Variants in SHISA9 observed in about 807,000 individuals in gnomAD.
The protein encoded by SHISA9 is protein shisa-9.
A neutral mutation model predicts 38.0 loss-of-function variants in SHISA9; 13 were observed. The observed-to-expected ratio is 0.34, with a 90% CI of 0.22 to 0.54. The LOEUF (loss-of-function observed/expected upper bound fraction) is 0.54, where lower values mean the gene tolerates loss of function less well. SHISA9 is among the 20% of genes least tolerant of loss of function. SHISA9 has a pLI of 0.91. For synonymous variants in SHISA9, 275 were observed against 242.0 expected, an observed-to-expected ratio of 1.14 and a Z score of -1.27; for missense variants, 538 against 575.8, an observed-to-expected ratio of 0.93 and a Z score of 0.67.
chr16:13,198,640 G>A (rs2050973922), intron 2 of SHISA9, among the ~76,000 whole-genome samples: 1 of 152,046 alleles, frequency 6.6e-6, no homozygotes. Context: ...AAAGCAACTG[G>A]GTTGCCAGGT....
chr16:13,541,599 G>C, the SHISA9 span, among the ~76,000 whole-genome samples: 6 of 152,152 alleles, frequency 3.9e-5, no homozygotes, highest in Non-Finnish European at 8.8e-5. Context: ...TAAGAAAAGA[G>C]CACACAGTTA....
intron 4 of SHISA9, among the ~76,000 whole-genome samples, chr16:13,214,466 A>T (rs1272301490): frequency 6.6e-6 from 1 of 152,054 alleles, no homozygotes; most frequent in Non-Finnish European, 1.5e-5. Context: ...TTGGCCTCCC[A>T]AAGTGCTGGG....
At chr16:13,434,303 T>C in the SHISA9 span, among the ~76,000 whole-genome samples, 1 of 152,206 alleles carries the variant, frequency 6.6e-6, no homozygotes. Flanking sequence ...CTGACTCAGA[T>C]GTTCATCTCC....
At chr16:13,511,457 C>T in the SHISA9 span, among the ~76,000 whole-genome samples, 2 of 152,100 alleles carry the variant, frequency 1.3e-5, no homozygotes, top group African/African-American at 4.8e-5. Context: ...GAGACTGTTG[C>T]TTGAAACCAA....
chr16:13,529,728 C>G, the SHISA9 span, among the ~76,000 whole-genome samples: 1 of 152,166 alleles, frequency 6.6e-6, no homozygotes, highest in Non-Finnish European at 1.5e-5. Context: ...CAACACCAAC[C>G]TATAGGGCAT....
the SHISA9 span, among the ~76,000 whole-genome samples, chr16:13,257,068 G>GGGT: frequency 6.6e-6 from 1 of 152,198 alleles, no homozygotes; most frequent in Non-Finnish European, 1.5e-5. Flanking sequence ...CGACCATCCA[G>GGGT]AGACTCTCTG....
intron 2 of SHISA9, among the ~76,000 whole-genome samples, chr16:12,952,267 C>T (rs915408010): frequency 6.6e-6 from 1 of 152,164 alleles, no homozygotes; most frequent in African/African-American, 2.4e-5. Context: ...TTTCTGTGAC[C>T]TGTTTAGGCT....
At chr16:12,989,692 T>A (rs2072359520) in intron 2 of SHISA9, among the ~76,000 whole-genome samples, 1 of 152,158 alleles carries the variant, frequency 6.6e-6, no homozygotes, top group Non-Finnish European at 1.5e-5. Flanking sequence ...GGTTTCCGTG[T>A]CATTAATTAC....
chr16:13,436,280 G>C, the SHISA9 span, among the ~76,000 whole-genome samples: 3 of 152,222 alleles, frequency 2.0e-5, no homozygotes, highest in Non-Finnish European at 2.9e-5. Flanking sequence ...CCAAATCCAA[G>C]ATGGCGACTA....
the SHISA9 span, among the ~76,000 whole-genome samples, chr16:13,495,362 C>T: frequency 7.0e-4 from 107 of 152,216 alleles, no homozygotes; most frequent in African/African-American, 2.3e-3. Flanking sequence ...AGACATTAAA[C>T]TCTATGTCGT....
At chr16:13,350,083 C>G in the SHISA9 span, 1 of 152,182 alleles carries the variant, frequency 6.6e-6, no homozygotes, top group Non-Finnish European at 1.5e-5. Flanking sequence ...AATAAGGAAG[C>G]CCTGCCCTTG....
At chr16:13,178,377 G>A (rs1028720679) in intron 2 of SHISA9, among the ~76,000 whole-genome samples, 1 of 150,844 alleles carries the variant, frequency 6.6e-6, no homozygotes, top group Non-Finnish European at 1.5e-5. Flanking sequence ...GACTGAAAGA[G>A]TCTTCAAGGT....
the SHISA9 span, among the ~76,000 whole-genome samples, chr16:13,527,129 A>G: frequency 6.1e-3 from 932 of 152,336 alleles, 10 homozygotes; most frequent in African/African-American, 0.022. Flanking sequence ...CCCAGGTTAT[A>G]AAGTGTTTAC....
chr16:13,165,969 C>T (rs1265468118), intron 2 of SHISA9, among the ~76,000 whole-genome samples: 2 of 152,186 alleles, frequency 1.3e-5, no homozygotes, highest in African/African-American at 4.8e-5. Context: ...GTATTATCAG[C>T]CCGAGTCTGG....
At chr16:13,272,582 C>G in the SHISA9 span, among the ~76,000 whole-genome samples, 1 of 152,014 alleles carries the variant, frequency 6.6e-6, no homozygotes, top group Non-Finnish European at 1.5e-5. Context: ...AGAGGGTTAT[C>G]AGAGTTTGGG....
chr16:13,282,667 T>A, the SHISA9 span, among the ~76,000 whole-genome samples: 2 of 152,118 alleles, frequency 1.3e-5, no homozygotes, highest in Non-Finnish European at 2.9e-5. Context: ...ATCCTAGGAC[T>A]CTGTTACATT....
At chr16:12,982,793 G>C (rs1326968276) in intron 2 of SHISA9, among the ~76,000 whole-genome samples, 1 of 152,152 alleles carries the variant, frequency 6.6e-6, no homozygotes, top group Non-Finnish European at 1.5e-5. Context: ...TTCTTCATCT[G>C]TAAAGCCCTG....
the SHISA9 span, among the ~76,000 whole-genome samples, chr16:13,495,114 G>C: frequency 1.3e-5 from 2 of 152,166 alleles, no homozygotes; most frequent in African/African-American, 4.8e-5. Flanking sequence ...GTACCTTTAT[G>C]ATGATGACAT....
chr16:13,361,169 C>T, the SHISA9 span, among the ~76,000 whole-genome samples: 5 of 152,152 alleles, frequency 3.3e-5, no homozygotes, highest in Middle Eastern at 3.2e-3. Flanking sequence ...TAAGAAGGTA[C>T]ACCATCTTCT....
Sources: allele counts gnomAD v4.1 joint callset (sites outside exome capture counted in the v4.1 genomes callset), GRCh38; gene constraint gnomAD v4.1.1; transcripts MANE v1.5; gene names NCBI Gene and HGNC (gene_info 2026-07-23, HGNC 2026-07-21).